GREB1L: variants seen among roughly 807,000 people sequenced by gnomAD.
GREB1L encodes GREB1 like retinoic acid receptor coactivator.
Under a neutral mutation model 200.8 loss-of-function variants are expected in GREB1L, and 17 were observed. The ratio of observed to expected loss-of-function variants is 0.08; its 90% CI spans 0.06 to 0.13. The LOEUF (loss-of-function observed/expected upper bound fraction) is 0.13, where lower values mean the gene tolerates loss of function less well. Ranked by LOEUF, GREB1L falls within the 10% of genes least tolerant of loss-of-function variation. The probability of loss-of-function intolerance (pLI) is 1.00; values close to 1 mark genes in which losing one functional copy is unlikely to be tolerated. For missense variants in GREB1L, 1,657 were observed against 2,367.7 expected, an observed-to-expected ratio of 0.70 and a Z score of 6.23; for synonymous variants, 789 against 893.0, an observed-to-expected ratio of 0.88 and a Z score of 2.08.
chr18:21,441,366 C>T (rs557325541), intron 9 of GREB1L, 34 bp from the exon 10 acceptor site: 20 of 1,498,104 alleles, frequency 1.3e-5, no homozygotes, highest in South Asian at 2.6e-5. Context: ...TTAGTTTTCA[C>T]GCCATCTTTC....
intron 15 of GREB1L, 56 bp downstream of exon 15, chr18:21,454,619 G>A (rs2034671212): frequency 1.5e-6 from 2 of 1,320,214 alleles, no homozygotes; most frequent in Non-Finnish European, 2.1e-6. Flanking sequence ...GATCCCCTCT[G>A]CCTCTTTCTT....
chr18:21,313,440 T>A (rs1215823388), intron 1 of GREB1L, among the ~76,000 whole-genome samples: 1 of 152,160 alleles, frequency 6.6e-6, no homozygotes, highest in Non-Finnish European at 1.5e-5. Flanking sequence ...TAAGACAACC[T>A]GGCAAGGTCA....
At chr18:21,296,288 A>G (rs1445219778) in intron 1 of GREB1L, among the ~76,000 whole-genome samples, 4 of 152,226 alleles carry the variant, frequency 2.6e-5, no homozygotes, top group African/African-American at 9.6e-5. Context: ...AGCAACATGC[A>G]TACAGCCAGA....
At chr18:21,329,186 A>G (rs541293676) in intron 1 of GREB1L, among the ~76,000 whole-genome samples, 1 of 152,130 alleles carries the variant, frequency 6.6e-6, no homozygotes, top group African/African-American at 2.4e-5. Context: ...TTAGCCAGGC[A>G]TAGTGGTGTG....
chr18:21,311,103 T>G (rs145650980), intron 1 of GREB1L, among the ~76,000 whole-genome samples: 1,596 of 152,270 alleles, frequency 0.01, 16 homozygotes, highest in Middle Eastern at 0.024. Flanking sequence ...ACTTTAACAC[T>G]TGGTGAGGGA....
At chr18:21,426,180 C>T (rs12604273) in intron 7 of GREB1L, among the ~76,000 whole-genome samples, 9 of 151,892 alleles carry the variant, frequency 5.9e-5, no homozygotes, top group Admixed American at 5.9e-4. Flanking sequence ...CCTCAGCCTC[C>T]TGAGTAGCTG....
At chr18:21,271,701 A>T (rs968206749) in intron 1 of GREB1L, among the ~76,000 whole-genome samples, 13 of 151,740 alleles carry the variant, frequency 8.6e-5, no homozygotes, top group Non-Finnish European at 1.9e-4. Flanking sequence ...TCCAGAATGT[A>T]GCCCCCACTC....
At position 21,450,867 on chromosome 18, in the gene GREB1L, A is replaced by G. The variant is rs946267038; in HGVS notation, c.1721-156A>G. ...AGTCAGAATTGATATTTCAAATGCT[A>G]TATAATTGTCCATACCTTTTGATGT... On this transcript the variant is annotated intron_variant, in intron 12 of 32. Coordinates refer to ENST00000424526, the MANE Select transcript of GREB1L (RefSeq NM_001142966.3). The G allele has an allele frequency of 1.6e-5, 10 of 606,634 alleles. No homozygotes were observed. The Admixed American group carries it at 1.8e-4, about 11-fold the overall frequency. The allele number at this position is 606,634 out of a possible 1,614,324, so 37.6% of individuals were successfully genotyped here. A position where few individuals can be genotyped will look rare whatever the true frequency, so the allele number is the denominator to read the frequency against.
intron 13 of GREB1L, 169 bp downstream of exon 13, chr18:21,451,320 G>C (rs2034507523): frequency 7.2e-6 from 5 of 691,640 alleles, no homozygotes; most frequent in African/African-American, 1.8e-5. Flanking sequence ...GAAGCAGTAA[G>C]GGGGTCTAGA....
At chr18:21,472,947 C>T in intron 15 of GREB1L, 84 bp from the exon 16 acceptor site, 1 of 937,944 alleles carries the variant, frequency 1.1e-6, no homozygotes, top group Non-Finnish European at 1.5e-6. Context: ...CCAGTGTCAG[C>T]TGACAATGAA....
intron 19 of GREB1L, 112 bp downstream of exon 19, chr18:21,490,463 C>T: frequency 7.3e-6 from 6 of 818,178 alleles, no homozygotes; most frequent in African/African-American, 1.7e-5. Flanking sequence ...TGTGTGATTC[C>T]ATGACAATGA....
intron 14 of GREB1L, 30 bp downstream of exon 14, chr18:21,452,247 G>C: frequency 1.3e-6 from 2 of 1,548,474 alleles, no homozygotes; most frequent in Non-Finnish European, 8.7e-7. Flanking sequence ...AGAGGAGGAA[G>C]TCAGTCCTTG....
At chr18:21,278,769 T>C (rs1335836128) in intron 1 of GREB1L, among the ~76,000 whole-genome samples, 1 of 152,154 alleles carries the variant, frequency 6.6e-6, no homozygotes, top group East Asian at 1.9e-4. Flanking sequence ...GGAAAAGATA[T>C]GTATGCCAAA....
intron 5 of GREB1L, among the ~76,000 whole-genome samples, chr18:21,395,781 G>A (rs1479485758): frequency 2.7e-5 from 4 of 150,558 alleles, no homozygotes; most frequent in Non-Finnish European, 5.9e-5. Flanking sequence ...CCAGGCTGGA[G>A]TGCAATGGTG....
intron 1 of GREB1L, among the ~76,000 whole-genome samples, chr18:21,292,606 A>G (rs2038467269): frequency 6.6e-6 from 1 of 152,146 alleles, no homozygotes; most frequent in Non-Finnish European, 1.5e-5. Context: ...GAATTATATC[A>G]TGTGTCGCCC....
chr18:21,473,158 C>G lies in GREB1L; in HGVS notation c.2310C>G (p.Asn770Lys). The G allele has an allele frequency of 6.5e-7, 1 of 1,549,408 alleles. No individual in the cohort carries two copies. Among genetic ancestry groups the G allele is most frequent in the Non-Finnish European group, 8.7e-7 (1 of 1,145,796 alleles). ...FEVFMRRVKQNPYTLFVLVHD... is the reference protein window; with the variant it reads ...FEVFMRRVKQKPYTLFVLVHD... ...TTTTTATGAGGAGAGTGAAACAGAA[C>G]CCGTACACACTGTTTGTGCTAGTTC... The change falls in exon 16 of 33, where the codon AAC becomes AAG. Residue 770 changes from asparagine (N) to lysine (K), a missense_variant. Physicochemically the swap from Asn to Lys is moderately conservative, Grantham distance 94. This residue lies in a region of GREB1L where 239 missense variants were observed against 421.8 expected (regional missense o/e 0.57). Transcript: ENST00000424526.
intron 2 of GREB1L, chr18:21,380,508 A>C (rs1439606608): frequency 6.6e-6 from 1 of 152,206 alleles, no homozygotes; most frequent in Non-Finnish European, 1.5e-5. Context: ...TCTCAAAATT[A>C]CCTGTCTTGA....
At chr18:21,246,287 AAC>A (rs1411314851) in intron 1 of GREB1L, among the ~76,000 whole-genome samples, 2 of 152,232 alleles carry the variant, frequency 1.3e-5, no homozygotes, top group Admixed American at 6.5e-5. Flanking sequence ...AAAAAGCAAT[AAC>A]ACATGAAACA....
At chr18:21,326,836 GC>G (rs2039029671) in intron 1 of GREB1L, among the ~76,000 whole-genome samples, 1 of 152,162 alleles carries the variant, frequency 6.6e-6, no homozygotes, top group South Asian at 2.1e-4. Context: ...GTATTAACCA[GC>G]CTGTTGTTCC....
Sources: allele counts gnomAD v4.1 joint callset (sites outside exome capture counted in the v4.1 genomes callset), GRCh38; gene constraint gnomAD v4.1.1; regional missense constraint gnomAD v4.1.1; transcripts MANE v1.5; gene names NCBI Gene and HGNC (gene_info 2026-07-23, HGNC 2026-07-21).